Variants in MEIS2 observed in about 807,000 individuals in gnomAD.
The protein encoded by MEIS2 is homeobox protein Meis2.
A neutral mutation model predicts 58.6 loss-of-function variants in MEIS2; 9 were observed. The observed-to-expected ratio is 0.15, with a 90% CI of 0.09 to 0.27. The LOEUF is 0.27. Among genes scored for constraint, MEIS2 ranks in the 10% least tolerant of loss-of-function variants. The pLI, the probability that MEIS2 is intolerant of heterozygous loss-of-function variation, is 1.00. For synonymous variants in MEIS2, 221 were observed against 228.4 expected (o/e 0.97, Z 0.29); for missense variants, 427 against 635.0 (o/e 0.67, Z 3.52).
intron 9 of MEIS2, among the ~76,000 whole-genome samples, chr15:36,905,099 C>A (rs929403821): frequency 7.9e-5 from 12 of 152,018 alleles, no homozygotes; most frequent in African/African-American, 2.9e-4. Flanking sequence ...TAAACTTTGC[C>A]AGAGATGAAT....
chr15:36,999,738 A>G (rs1445807405), intron 8 of MEIS2, among the ~76,000 whole-genome samples: 1 of 152,248 alleles, frequency 6.6e-6, no homozygotes, highest in East Asian at 1.9e-4. Context: ...TCAAAGTGAA[A>G]TTTGAAAGAT....
At chr15:36,907,173 G>A (rs1240388972) in intron 9 of MEIS2, among the ~76,000 whole-genome samples, 1 of 152,170 alleles carries the variant, frequency 6.6e-6, no homozygotes, top group East Asian at 1.9e-4. Flanking sequence ...GTTTTCTCCA[G>A]GTAGTGACAA....
intron 8 of MEIS2, among the ~76,000 whole-genome samples, chr15:37,007,923 T>C (rs372987891): frequency 6.6e-6 from 1 of 152,170 alleles, no homozygotes; most frequent in Non-Finnish European, 1.5e-5. Flanking sequence ...TTTCAATATA[T>C]AGCAAAACTT....
intron 8 of MEIS2, among the ~76,000 whole-genome samples, chr15:36,966,119 C>T (rs1364281464): frequency 2.0e-5 from 3 of 152,178 alleles, no homozygotes; most frequent in Middle Eastern, 3.4e-3. Flanking sequence ...TTGGCCAGGA[C>T]GCTGGGGTTA....
At chr15:36,916,500 T>C (rs1469668894) in intron 9 of MEIS2, among the ~76,000 whole-genome samples, 2 of 151,126 alleles carry the variant, frequency 1.3e-5, no homozygotes, top group Admixed American at 6.6e-5. Context: ...GGTGTGATCA[T>C]AGCTCACTGT....
intron 8 of MEIS2, among the ~76,000 whole-genome samples, chr15:36,951,387 G>C (rs888233258): frequency 6.6e-6 from 1 of 152,082 alleles, no homozygotes; most frequent in African/African-American, 2.4e-5. Context: ...CATTCATAAA[G>C]TAGAAAGCCT....
At chr15:37,003,435 A>T (rs540313357) in intron 8 of MEIS2, among the ~76,000 whole-genome samples, 2 of 152,178 alleles carry the variant, frequency 1.3e-5, no homozygotes, top group African/African-American at 2.4e-5. Context: ...GATTTTTTTT[A>T]AATTTAGAAG....
At chr15:37,098,449 G>C (rs893066588) in intron 1 of MEIS2, 2 of 1,165,938 alleles carry the variant, frequency 1.7e-6, no homozygotes, top group African/African-American at 3.2e-5. Context: ...AACAAAGTCA[G>C]AAAGGAGAAA....
intron 7 of MEIS2, among the ~76,000 whole-genome samples, chr15:37,051,601 C>T (rs1322363663): frequency 6.6e-6 from 1 of 152,062 alleles, no homozygotes; most frequent in East Asian, 1.9e-4. Context: ...TAAATGGGTG[C>T]AATTTTTGTA....
chr15:36,902,452 C>A (rs924119205), intron 9 of MEIS2, among the ~76,000 whole-genome samples: 3 of 152,210 alleles, frequency 2.0e-5, no homozygotes, highest in African/African-American at 7.2e-5. Flanking sequence ...TTTGGAATCA[C>A]ACTCTCTGTA....
intron 9 of MEIS2, among the ~76,000 whole-genome samples, chr15:36,929,345 G>A (rs925218819): frequency 1.3e-5 from 2 of 152,204 alleles, no homozygotes; most frequent in Non-Finnish European, 1.5e-5. Context: ...GGCCAAGGCA[G>A]TCTGCTCTGA....
intron 8 of MEIS2, among the ~76,000 whole-genome samples, chr15:37,017,723 A>C (rs2061396461): frequency 1.3e-5 from 2 of 152,124 alleles, no homozygotes. Flanking sequence ...GACAGGATGC[A>C]CTCTCACTCT....
chr15:36,893,910 T>C (rs2056024436), intron 11 of MEIS2, among the ~76,000 whole-genome samples: 1 of 152,238 alleles, frequency 6.6e-6, no homozygotes, highest in Non-Finnish European at 1.5e-5. Context: ...GAAGTTTCAA[T>C]GTTATATGAA....
At chr15:36,938,665 C>T (rs1390248132) in intron 9 of MEIS2, among the ~76,000 whole-genome samples, 3 of 152,200 alleles carry the variant, frequency 2.0e-5, no homozygotes, top group East Asian at 1.9e-4. Flanking sequence ...TGGTTAAAAT[C>T]GTTTTTCCTC....
intron 11 of MEIS2, chr15:36,894,860 T>C: frequency 7.1e-7 from 1 of 1,418,420 alleles, no homozygotes; most frequent in Non-Finnish European, 1.0e-6. Context: ...TCAGCAATAA[T>C]TGATGGTGAA....
At chr15:36,957,254 A>G (rs2059015182) in intron 8 of MEIS2, among the ~76,000 whole-genome samples, 1 of 152,208 alleles carries the variant, frequency 6.6e-6, no homozygotes, top group East Asian at 1.9e-4. Context: ...TTGAAACTCT[A>G]AAGTGAAATG....
At position 37,099,848 on chromosome 15, in the gene MEIS2, A is replaced by G; in HGVS notation, c.-382T>C. On this transcript the variant is annotated 5_prime_UTR_variant, in exon 1 of 12. Transcript: ENST00000561208. ...GAAAAAGAAGAAAAAGAAGAAAAAA[A>G]TTGTCAAGCCCCCGAACTGAAGGTT... is the stretch of plus-strand genomic sequence containing the variant. 1 of 206,304 alleles carries G rather than the reference A, an allele frequency of 4.8e-6. No individual in the cohort carries two copies. Among genetic ancestry groups the G allele is most frequent in the Non-Finnish European group, 9.7e-6 (1 of 103,080 alleles). The allele number at this position is 206,304 out of a possible 1,614,324, so 12.8% of individuals were successfully genotyped here. A position where few individuals can be genotyped will look rare whatever the true frequency, so the allele number is the denominator to read the frequency against.
rs1889899716 is a variant in MEIS2, at chr15:37,066,173, C to T, written c.754+17598G>A. 4 of 152,178 alleles carry T rather than the reference C, an allele frequency of 2.6e-5. No individual in the cohort carries two copies. The South Asian group carries it at 8.3e-4, about 32-fold the overall frequency. The allele number at this position is 152,178 out of a possible 1,614,324, so 9.4% of individuals were successfully genotyped here. On this transcript the variant is annotated intron_variant, in intron 7 of 11. Coordinates refer to ENST00000561208, the MANE Select transcript of MEIS2 (RefSeq NM_170675.5). ...GGAAAAATAAAAAAAATTGGTTTTT[C>T]AAAGTGTAAATCACTGATTTAAAAA...
rs565116058 is a variant in MEIS2, at chr15:37,083,371, T to A, written c.754+400A>T. ...TTAAATTTTATGTGCTTTAGAGGCA[T>A]AATTGCTTGATTATAGAGAATGCTT... On this transcript the variant is annotated intron_variant, in intron 7 of 11. Coordinates refer to ENST00000561208, the MANE Select transcript of MEIS2 (RefSeq NM_170675.5). Among the ~76,000 whole-genome samples the A allele has an allele frequency of 4.6e-5, 7 of 152,352 alleles. No homozygotes were observed. In the East Asian group the frequency reaches 1.4e-3, roughly 29 times the overall value.
Sources: allele counts gnomAD v4.1 joint callset (sites outside exome capture counted in the v4.1 genomes callset), GRCh38; gene constraint gnomAD v4.1.1; transcripts MANE v1.5; gene names NCBI Gene and HGNC (gene_info 2026-07-23, HGNC 2026-07-21).